The following FOXP1 variants were observed in gnomAD, a reference collection of about 807,000 sequenced individuals.
The protein encoded by FOXP1 is forkhead box protein P1.
FOXP1 carries 15 observed loss-of-function variants against 98.2 expected under a neutral mutation model. The observed-to-expected ratio is 0.15, with a 90% CI of 0.10 to 0.24. The LOEUF (loss-of-function observed/expected upper bound fraction) is 0.24, where lower values mean the gene tolerates loss of function less well. Ranked by LOEUF, FOXP1 falls within the 10% of genes least tolerant of loss-of-function variation. The pLI, the probability that FOXP1 is intolerant of heterozygous loss-of-function variation, is 1.00. For missense variants in FOXP1, 633 were observed against 848.5 expected (o/e 0.75, Z 3.15); for synonymous variants, 371 against 314.5 (o/e 1.18, Z -1.90).
At chr3:71,574,623 G>A (rs1033227093) in intron 2 of FOXP1, among the ~76,000 whole-genome samples, 2 of 152,044 alleles carry the variant, frequency 1.3e-5, no homozygotes, top group Non-Finnish European at 2.9e-5. Flanking sequence ...AAATACTTCT[G>A]CCAGCAGGGT....
intron 14 of FOXP1, among the ~76,000 whole-genome samples, chr3:70,984,393 A>ATTTC (rs1405191462): frequency 6.6e-6 from 1 of 152,044 alleles, no homozygotes; most frequent in Non-Finnish European, 1.5e-5. Flanking sequence ...CTTAGACATC[A>ATTTC]TTTCTCCCAG....
At chr3:71,007,496 CTT>C (rs1559702456) in intron 12 of FOXP1, among the ~76,000 whole-genome samples, 2 of 152,182 alleles carry the variant, frequency 1.3e-5, no homozygotes, top group Non-Finnish European at 2.9e-5. Flanking sequence ...TTAACATACA[CTT>C]TGTTTTTCCA....
At position 70,996,317 on chromosome 3, in the gene FOXP1, G is replaced by T. The variant is rs145490862; in HGVS notation, c.1062+4655C>A. Among the ~76,000 whole-genome samples, 3 of 152,284 alleles carry T rather than the reference G, an allele frequency of 2.0e-5. No individual in the cohort carries two copies. In the East Asian group the frequency reaches 5.8e-4, roughly 29 times the overall value. On this transcript the variant is annotated intron_variant, in intron 13 of 20. Transcript: ENST00000649528. ...GTCATATTTTAAATACACAGGGACA[G>T]GACAGCTGTCATGCACAGTGCTGAT...
intron 4 of FOXP1, among the ~76,000 whole-genome samples, chr3:71,343,824 C>A (rs2077159953): frequency 6.6e-6 from 1 of 152,150 alleles, no homozygotes; most frequent in African/African-American, 2.4e-5. Context: ...GCCCATCACG[C>A]CTGGCGTTCA....
chr3:71,279,436 G>A (rs1241060947), intron 5 of FOXP1, among the ~76,000 whole-genome samples: 3 of 152,086 alleles, frequency 2.0e-5, no homozygotes, highest in South Asian at 2.1e-4. Flanking sequence ...CAGGGGTGGT[G>A]AGTGGGGAGC....
At chr3:71,168,414 C>G (rs928542111) in intron 6 of FOXP1, among the ~76,000 whole-genome samples, 1 of 152,108 alleles carries the variant, frequency 6.6e-6, no homozygotes, top group South Asian at 2.1e-4. Context: ...AAAAATTCAA[C>G]TGGAAAATTG....
intron 7 of FOXP1, among the ~76,000 whole-genome samples, chr3:71,096,815 T>TG (rs2056501400): frequency 6.6e-6 from 1 of 152,186 alleles, no homozygotes; most frequent in African/African-American, 2.4e-5. Context: ...CACAAGTATG[T>TG]GGTATAAGCC....
intron 2 of FOXP1, among the ~76,000 whole-genome samples, chr3:71,575,172 T>C (rs550993111): frequency 6.6e-6 from 1 of 152,340 alleles, no homozygotes; most frequent in South Asian, 2.1e-4. Flanking sequence ...CCAATACTCG[T>C]GCTTGGTTAA....
rs370523018 is a variant in FOXP1 at position 71,158,648 on chromosome 3, C to T, written c.180+39554G>A. 8.0e-5 allele frequency among the ~76,000 whole-genome samples: 12 copies of T among 150,010 alleles called. No homozygotes were observed. The East Asian group carries it at 2.4e-3, about 29-fold the overall frequency. On this transcript the variant is annotated intron_variant, in intron 6 of 20. Transcript: ENST00000649528. ...ACATAACAGAAGTAAACTAAAAGGACTCCAAATTAACATACAGATAAACAC... is the reference window on the plus strand; with the variant it reads ...ACATAACAGAAGTAAACTAAAAGGATTCCAAATTAACATACAGATAAACAC...
chr3:71,411,830 C>G (rs1448323762), intron 3 of FOXP1, among the ~76,000 whole-genome samples: 1 of 152,206 alleles, frequency 6.6e-6, no homozygotes, highest in African/African-American at 2.4e-5. Flanking sequence ...CAAGTCACCT[C>G]ATCTCCATAC....
chr3:71,392,420 T>G (rs1429037007), intron 3 of FOXP1, among the ~76,000 whole-genome samples: 1 of 152,228 alleles, frequency 6.6e-6, no homozygotes, highest in African/African-American at 2.4e-5. Flanking sequence ...AATGGATATA[T>G]GTGATATATT....
chr3:71,267,946 A>T (rs2069867501), intron 5 of FOXP1, among the ~76,000 whole-genome samples: 1 of 149,634 alleles, frequency 6.7e-6, no homozygotes, highest in South Asian at 2.1e-4. Flanking sequence ...TGAACTTGGG[A>T]GATGGAGGTT....
At chr3:71,258,327 G>GA (rs1467372388) in intron 5 of FOXP1, among the ~76,000 whole-genome samples, 2 of 151,564 alleles carry the variant, frequency 1.3e-5, no homozygotes, top group African/African-American at 2.4e-5. Context: ...AGGAGAGGAG[G>GA]AAAAAAAAGA....
intron 2 of FOXP1, among the ~76,000 whole-genome samples, chr3:71,546,148 C>T (rs954724409): frequency 1.3e-5 from 2 of 152,186 alleles, no homozygotes; most frequent in African/African-American, 4.8e-5. Flanking sequence ...TCCCCACACT[C>T]CAACATCCAA....
intron 3 of FOXP1, among the ~76,000 whole-genome samples, chr3:71,367,934 A>C (rs1252487955): frequency 6.6e-6 from 1 of 152,054 alleles, no homozygotes; most frequent in Non-Finnish European, 1.5e-5. Context: ...CAACCACAGA[A>C]CACAAGCAGA....
chr3:71,246,096 A>G (rs1372766887), intron 5 of FOXP1, among the ~76,000 whole-genome samples: 1 of 151,970 alleles, frequency 6.6e-6, no homozygotes, highest in African/African-American at 2.4e-5. Flanking sequence ...ACCACAGAGA[A>G]CTAATCTGGA....
chr3:70,983,190 A>C (rs1314914371), intron 14 of FOXP1, among the ~76,000 whole-genome samples: 1 of 151,948 alleles, frequency 6.6e-6, no homozygotes, highest in Non-Finnish European at 1.5e-5. Flanking sequence ...GTTTTAGAGA[A>C]GCGAACTCGT....
chr3:71,538,742 C>A (rs2044516892), intron 2 of FOXP1, among the ~76,000 whole-genome samples: 1 of 152,204 alleles, frequency 6.6e-6, no homozygotes, highest in South Asian at 2.1e-4. Context: ...GGTTTCACAT[C>A]TAAGAAACCA....
At chr3:71,167,038 C>A (rs1350595017) in intron 6 of FOXP1, among the ~76,000 whole-genome samples, 1 of 152,016 alleles carries the variant, frequency 6.6e-6, no homozygotes, top group African/African-American at 2.4e-5. Flanking sequence ...TTTGCACTTA[C>A]ATATTCCAGG....
Sources: allele counts gnomAD v4.1 joint callset (sites outside exome capture counted in the v4.1 genomes callset), GRCh38; gene constraint gnomAD v4.1.1; transcripts MANE v1.5; gene names NCBI Gene and HGNC (gene_info 2026-07-23, HGNC 2026-07-21).